Variants in NPIPB2 observed in about 807,000 individuals in gnomAD.
The protein encoded by NPIPB2 is nuclear pore complex interacting protein family member B2.
Under a neutral mutation model 30.8 loss-of-function variants are expected in NPIPB2, and 27 were observed. That is an observed-to-expected ratio of 0.88 (90% CI 0.65 to 1.21). NPIPB2 has a LOEUF of 1.21. Ranked by LOEUF, NPIPB2 falls within the 50% of genes most tolerant of loss-of-function variation. The pLI is 0.00. For synonymous variants in NPIPB2, 147 were observed against 162.0 expected (o/e 0.91, Z 0.70); for missense variants, 440 against 446.2 (o/e 0.99, Z 0.13).
chr16:11,948,167 G>A (rs535423660), intron 1 of NPIPB2, among the ~76,000 whole-genome samples: 44 of 151,620 alleles, frequency 2.9e-4, no homozygotes, highest in Non-Finnish European at 5.6e-4. Context: ...GGACTGAGTG[G>A]TTTCCTGGGC....
intron 1 of NPIPB2, among the ~76,000 whole-genome samples, chr16:11,952,041 C>T (rs1381200960): frequency 6.6e-6 from 1 of 151,900 alleles, no homozygotes; most frequent in African/African-American, 2.4e-5. Context: ...CGCCTGTAGT[C>T]CCAGCTACTT....
chr16:11,969,698 T>C (rs1314425426), intron 1 of NPIPB2, among the ~76,000 whole-genome samples: 2 of 152,212 alleles, frequency 1.3e-5, no homozygotes, highest in Non-Finnish European at 2.9e-5. Flanking sequence ...CATCAGGCAT[T>C]ACTATAATTA....
intron 1 of NPIPB2, among the ~76,000 whole-genome samples, chr16:11,969,400 G>A (rs1046117769): frequency 5.3e-5 from 8 of 151,990 alleles, no homozygotes; most frequent in Non-Finnish European, 1.0e-4. Flanking sequence ...GGGATTACAG[G>A]TGCCCGCCAC....
chr16:11,941,057 C>T (rs1437366973), intron 1 of NPIPB2: 5 of 1,128,856 alleles, frequency 4.4e-6, no homozygotes, highest in Middle Eastern at 3.5e-4. Flanking sequence ...AGTGATCTGC[C>T]CACCTCGGCC....
intron 4 of NPIPB2, among the ~76,000 whole-genome samples, chr16:11,931,934 A>G (rs890789830): frequency 6.6e-6 from 1 of 150,744 alleles, no homozygotes; most frequent in African/African-American, 2.4e-5. Context: ...AGAAGGAACT[A>G]CTGAGATGCA....
rs533954027 is a variant in NPIPB2 at position 11,967,449 on chromosome 16, A to G, written c.-584+9119T>C. 14 of 1,015,984 alleles carry G rather than the reference A, an allele frequency of 1.4e-5. No individual in the cohort carries two copies. In the East Asian group the frequency reaches 2.9e-4, roughly 21 times the overall value. 62.9% of individuals were successfully genotyped at this position (1,015,984 alleles called of 1,614,324 possible). A position where few individuals can be genotyped will look rare whatever the true frequency, so the allele number is the denominator to read the frequency against. ...AGCCTGGGCAACACAGTAAGACCCCACCTCTAAAAAATGAAAAAATCTCTC... is the reference window on the plus strand; with the variant it reads ...AGCCTGGGCAACACAGTAAGACCCCGCCTCTAAAAAATGAAAAAATCTCTC... On this transcript the variant is annotated intron_variant, in intron 1 of 5. Coordinates refer to the NPIPB2 transcript ENST00000538896.
intron 1 of NPIPB2, among the ~76,000 whole-genome samples, chr16:11,974,644 CCTT>C (rs1233900447): frequency 1.3e-5 from 2 of 152,114 alleles, no homozygotes; most frequent in East Asian, 3.8e-4. Context: ...TAAAACATCT[CCTT>C]AAGTGTATGC....
intron 1 of NPIPB2, among the ~76,000 whole-genome samples, chr16:11,947,153 T>TATG (rs2055019128): frequency 6.8e-6 from 1 of 147,268 alleles, no homozygotes; most frequent in African/African-American, 2.5e-5. Flanking sequence ...GGAGTCTCAC[T>TATG]ATGATGCTCA....
chr16:11,955,736 A>AAAG (rs1468228692), intron 1 of NPIPB2, among the ~76,000 whole-genome samples: 1 of 149,774 alleles, frequency 6.7e-6, no homozygotes, highest in African/African-American at 2.5e-5. Context: ...AAAAAAAAGA[A>AAAG]AAGAAAAAAG....
intron 2 of NPIPB2, among the ~76,000 whole-genome samples, chr16:11,935,409 A>C (rs146108247): frequency 0.11 from 17,443 of 151,962 alleles, 1,316 homozygotes; most frequent in South Asian, 0.2. Context: ...CACCTCCCAG[A>C]TTCAAGCGAT....
intron 1 of NPIPB2, among the ~76,000 whole-genome samples, chr16:11,962,113 G>A (rs1251473628): frequency 6.7e-6 from 1 of 149,458 alleles, no homozygotes; most frequent in Non-Finnish European, 1.5e-5. Context: ...TGGGAGGATC[G>A]CTTAAGCCCA....
intron 1 of NPIPB2, among the ~76,000 whole-genome samples, chr16:11,950,909 T>C (rs1171348332): frequency 6.6e-6 from 1 of 152,094 alleles, no homozygotes; most frequent in Non-Finnish European, 1.5e-5. Context: ...AAGTAAGACA[T>C]TGGATGGCTT....
chr16:11,961,149 C>T (rs3851001), intron 1 of NPIPB2, among the ~76,000 whole-genome samples: 1,990 of 152,304 alleles, frequency 0.013, 39 homozygotes, highest in African/African-American at 0.045. Flanking sequence ...AGGTGTGAGC[C>T]ACTGCACCCA....
chr16:11,934,809 A>T (rs2150911575), intron 2 of NPIPB2, among the ~76,000 whole-genome samples: 1 of 142,834 alleles, frequency 7.0e-6, no homozygotes, highest in South Asian at 2.4e-4. Context: ...CAGTGAGCCA[A>T]GATCCCACCA....
chr16:11,938,058 G>A (rs539055734), intron 1 of NPIPB2, among the ~76,000 whole-genome samples: 3 of 152,088 alleles, frequency 2.0e-5, no homozygotes, highest in Non-Finnish European at 2.9e-5. Context: ...CCACTCAGTC[G>A]CCCAGGCTGG....
chr16:11,942,021 A>G, exon 1 of NPIPB2: 1 of 1,344,632 alleles, frequency 7.4e-7, no homozygotes. Context: ...CCGCTCAGCC[A>G]TTCATATCCT....
chr16:11,962,259 G>C (rs2055158192), intron 1 of NPIPB2, among the ~76,000 whole-genome samples: 1 of 150,448 alleles, frequency 6.6e-6, no homozygotes, highest in Non-Finnish European at 1.5e-5. Context: ...CCAGCACTTT[G>C]GGAGGCCGAG....
In NPIPB2 at chr16:11,965,424, C is replaced by G; in HGVS notation, c.-584+11144G>C. ...ACTTCGATGTTCTTCTAATACTCCT[C>G]CTCTAACATGTCAGCGTTATTGTAA... On this transcript the variant is annotated intron_variant, in intron 1 of 5. Coordinates refer to the NPIPB2 transcript ENST00000538896. The G allele has an allele frequency of 3.1e-6, 5 of 1,614,164 alleles. No individual in the cohort carries two copies. The South Asian group carries it at 5.5e-5, about 18-fold the overall frequency.
intron 1 of NPIPB2, among the ~76,000 whole-genome samples, chr16:11,964,704 G>A (rs1219584498): frequency 6.6e-6 from 1 of 152,058 alleles, no homozygotes. Context: ...AGAGCGCCAC[G>A]GCGCCCAGCT....
Sources: gnomAD v4.1 joint callset for allele counts (sites outside exome capture counted in the v4.1 genomes callset) on GRCh38, gnomAD v4.1.1 for gene constraint, MANE v1.5 for transcripts, NCBI Gene and HGNC (gene_info 2026-07-23, HGNC 2026-07-21) for gene names.